Variants in LHFPL3 observed in about 807,000 individuals in gnomAD.
The protein encoded by LHFPL3 is LHFPL tetraspan subfamily member 3.
A neutral mutation model predicts 19.3 loss-of-function variants in LHFPL3; 5 were observed. The observed-to-expected ratio is 0.26, with a 90% CI of 0.14 to 0.54. The LOEUF is 0.54. LHFPL3 is among the 20% of genes least tolerant of loss of function. The pLI is 0.94. For synonymous variants in LHFPL3, 133 were observed against 126.2 expected, an observed-to-expected ratio of 1.05 and a Z score of -0.36; for missense variants, 249 against 307.4, an observed-to-expected ratio of 0.81 and a Z score of 1.42.
chr7:104,603,281 G>A (rs905044254), intron 1 of LHFPL3, among the ~76,000 whole-genome samples: 12 of 151,246 alleles, frequency 7.9e-5, no homozygotes, highest in Non-Finnish European at 1.6e-4. Flanking sequence ...CTGCAGCCTT[G>A]ACTTCCAAGG....
chr7:104,451,679 T>A (rs907295329), intron 1 of LHFPL3, among the ~76,000 whole-genome samples: 3 of 152,232 alleles, frequency 2.0e-5, no homozygotes, highest in African/African-American at 4.8e-5. Context: ...TTCTATTTTT[T>A]AAATATTTTT....
chr7:104,833,060 T>TATAATAG (rs1234974525), intron 2 of LHFPL3, among the ~76,000 whole-genome samples: 1 of 110,812 alleles, frequency 9.0e-6, no homozygotes, highest in Non-Finnish European at 1.7e-5. Flanking sequence ...ATATATTATA[T>TATAATAG]ATAATATATA....
intron 1 of LHFPL3, among the ~76,000 whole-genome samples, chr7:104,577,126 C>A (rs1790352759): frequency 6.6e-6 from 1 of 152,190 alleles, no homozygotes; most frequent in Non-Finnish European, 1.5e-5. Flanking sequence ...AGTCAATACA[C>A]ATTTACTGAA....
chr7:104,509,315 T>G (rs532361168), intron 1 of LHFPL3, among the ~76,000 whole-genome samples: 1 of 151,310 alleles, frequency 6.6e-6, no homozygotes, highest in Non-Finnish European at 1.5e-5. Context: ...ACACTTCTCA[T>G]GAATATCAAC....
chr7:104,620,301 A>G (rs1302179945), intron 1 of LHFPL3, among the ~76,000 whole-genome samples: 1 of 152,208 alleles, frequency 6.6e-6, no homozygotes, highest in Non-Finnish European at 1.5e-5. Flanking sequence ...GGATTTTTTC[A>G]TTAGGAATAA....
chr7:104,660,728 G>A (rs1420020765), intron 1 of LHFPL3, among the ~76,000 whole-genome samples: 2 of 152,176 alleles, frequency 1.3e-5, no homozygotes, highest in Non-Finnish European at 2.9e-5. Flanking sequence ...AGCCACATCT[G>A]CATAGATTTT....
At chr7:104,512,781 A>G (rs1295512847) in intron 1 of LHFPL3, among the ~76,000 whole-genome samples, 1 of 152,146 alleles carries the variant, frequency 6.6e-6, no homozygotes, top group Non-Finnish European at 1.5e-5. Context: ...AGTAGGACAC[A>G]GGAAAAGGCA....
chr7:104,725,312 A>G (rs1489205554), intron 1 of LHFPL3, among the ~76,000 whole-genome samples: 1 of 152,214 alleles, frequency 6.6e-6, no homozygotes, highest in African/African-American at 2.4e-5. Flanking sequence ...ATCCTGTTCC[A>G]GTGAAGTTGT....
intron 2 of LHFPL3, among the ~76,000 whole-genome samples, chr7:104,754,716 T>C (rs1469364727): frequency 8.5e-5 from 13 of 152,156 alleles, no homozygotes; most frequent in Non-Finnish European, 1.0e-4. Context: ...ACAGAAAGCA[T>C]TGAGAGTAGG....
chr7:104,412,733 A>G (rs949439921), intron 1 of LHFPL3, among the ~76,000 whole-genome samples: 6 of 152,162 alleles, frequency 3.9e-5, no homozygotes, highest in Admixed American at 3.9e-4. Flanking sequence ...ATTTTATACT[A>G]GAGAGTTCAG....
intron 1 of LHFPL3, among the ~76,000 whole-genome samples, chr7:104,568,808 T>A (rs1161096747): frequency 6.6e-6 from 1 of 152,222 alleles, no homozygotes; most frequent in African/African-American, 2.4e-5. Context: ...AAACCAGAAT[T>A]CATCTCCTAA....
chr7:104,636,745 T>G, intron 1 of LHFPL3, among the ~76,000 whole-genome samples: 1 of 152,334 alleles, frequency 6.6e-6, no homozygotes, highest in African/African-American at 2.4e-5. Flanking sequence ...CTGCATAGTA[T>G]TCCATGGTGT....
At chr7:104,597,639 A>G (rs1790889722) in intron 1 of LHFPL3, among the ~76,000 whole-genome samples, 1 of 152,216 alleles carries the variant, frequency 6.6e-6, no homozygotes, top group Non-Finnish European at 1.5e-5. Flanking sequence ...AATGGAATGT[A>G]TTTCTAAGGA....
chr7:104,619,337 C>T (rs1241064009), intron 1 of LHFPL3, among the ~76,000 whole-genome samples: 2 of 152,080 alleles, frequency 1.3e-5, no homozygotes, highest in African/African-American at 4.8e-5. Context: ...TGTTATTTTT[C>T]ACTTATTCCT....
chr7:104,821,187 A>C (rs1790670625), intron 2 of LHFPL3, among the ~76,000 whole-genome samples: 1 of 152,192 alleles, frequency 6.6e-6, no homozygotes. Flanking sequence ...GTCCCAAAGA[A>C]AATCTATTTC....
At chr7:104,564,577 AG>A (rs745948721) in intron 1 of LHFPL3, among the ~76,000 whole-genome samples, 1 of 152,234 alleles carries the variant, frequency 6.6e-6, no homozygotes, top group Non-Finnish European at 1.5e-5. Context: ...TACATGAGAA[AG>A]AAAGTAAACA....
At chr7:104,826,072 C>G (rs902278597) in intron 2 of LHFPL3, among the ~76,000 whole-genome samples, 1 of 151,922 alleles carries the variant, frequency 6.6e-6, no homozygotes, top group Non-Finnish European at 1.5e-5. Flanking sequence ...AAGCACCTAG[C>G]AAATAGAAGG....
intron 2 of LHFPL3, 113 bp from the exon 3 acceptor site, chr7:104,906,074 T>C (rs748019527): frequency 1.2e-5 from 12 of 964,616 alleles, no homozygotes; most frequent in Non-Finnish European, 1.9e-5. Flanking sequence ...GAACCATTCA[T>C]TGGTATAGTT....
At chr7:104,821,941 T>A (rs1188727975) in intron 2 of LHFPL3, among the ~76,000 whole-genome samples, 4 of 152,152 alleles carry the variant, frequency 2.6e-5, no homozygotes, top group African/African-American at 9.7e-5. Flanking sequence ...AACATGGAGA[T>A]AATAACAGGC....
Sources: allele counts gnomAD v4.1 joint callset (sites outside exome capture counted in the v4.1 genomes callset), GRCh38; gene constraint gnomAD v4.1.1; transcripts MANE v1.5; gene names NCBI Gene and HGNC (gene_info 2026-07-23, HGNC 2026-07-21).